SPTA1: variants seen among roughly 807,000 people sequenced by gnomAD.
The protein encoded by SPTA1 is spectrin alpha chain, erythrocytic 1.
Under a neutral mutation model 324.7 loss-of-function variants are expected in SPTA1, and 177 were observed. The observed-to-expected ratio is 0.55, with a 90% CI of 0.48 to 0.62. The LOEUF is 0.62. Among genes scored for constraint, SPTA1 ranks in the 20% least tolerant of loss-of-function variants. The pLI, the probability that SPTA1 is intolerant of heterozygous loss-of-function variation, is 0.00. For synonymous variants in SPTA1, 1,195 were observed against 1,041.3 expected (o/e 1.15, Z -2.84); for missense variants, 3,162 against 2,883.6 (o/e 1.10, Z -2.21).
At position 158,619,733 on chromosome 1, in the gene SPTA1, T is replaced by A. The variant is rs572226920; in HGVS notation, c.6418-399A>T. ...TATTGTGGTTAGTTTTCTATTACAC[T>A]TTTTATGTTTCATAGTTTCAATAAT... On this transcript the variant is annotated intron_variant, in intron 44 of 51. Coordinates refer to ENST00000643759, the MANE Select transcript of SPTA1 (RefSeq NM_003126.4). Among the ~76,000 whole-genome samples the A allele has an allele frequency of 3.9e-5, 6 of 152,344 alleles. No individual in the cohort carries two copies. The South Asian group carries it at 8.3e-4, about 21-fold the overall frequency.
intron 20 of SPTA1, 146 bp downstream of exon 20, chr1:158,656,418 A>G: frequency 1.3e-6 from 1 of 746,696 alleles, no homozygotes; most frequent in Admixed American, 2.0e-5. Context: ...TGGATGCTAC[A>G]GTTCCTGCAT....
intron 15 of SPTA1, among the ~76,000 whole-genome samples, chr1:158,667,393 A>T (rs1653684948): frequency 1.3e-5 from 2 of 152,236 alleles, no homozygotes; most frequent in African/African-American, 4.8e-5. Context: ...AAATAGGTTT[A>T]AAAAGATCAA....
Position 158,666,329 on chromosome 1 carries a change from A to T in SPTA1, c.2207T>A (p.Val736Glu). Residue 736 changes from valine (V) to glutamate (E), a missense_variant, in exon 16 of 52, where the codon GTG becomes GAG. Val to Glu is a moderately radical substitution (Grantham distance 121). Transcript: ENST00000643759. ...LRKHGLLESA[V>E]AARQDQVDIL... ...CTAACAACAAACCTGACGAGCAGCC[A>T]CAGCCGACTCCAGGAGGCCGTGTTT... The T allele has an allele frequency of 6.2e-7, 1 of 1,613,760 alleles. No individual in the cohort carries two copies.
In SPTA1 at chr1:158,666,506, A is replaced by G. The variant is rs181529699; in HGVS notation, c.2039-9T>C. On this transcript the variant is annotated splice_polypyrimidine_tract_variant and intron_variant, in intron 15 of 51. Transcript: ENST00000643759. ...CTCATGCAACTGGGTCCCTGGGAGA[A>G]GACATAAGGTAGAAGACATTAGGTA... is the stretch of plus-strand genomic sequence containing the variant. The G allele has an allele frequency of 2.5e-6, 4 of 1,605,864 alleles. No individual in the cohort carries two copies. In the East Asian group the frequency reaches 8.9e-5, roughly 36 times the overall value.
At chr1:158,631,308 C>T (rs560465064) in intron 39 of SPTA1, among the ~76,000 whole-genome samples, 11 of 152,216 alleles carry the variant, frequency 7.2e-5, no homozygotes, top group South Asian at 2.1e-4. Flanking sequence ...GCGTTTGCAG[C>T]GACCTGGATG....
intron 43 of SPTA1, chr1:158,622,728 G>T (rs2101767110): frequency 2.2e-6 from 1 of 450,562 alleles, no homozygotes; most frequent in Non-Finnish European, 4.1e-6. Flanking sequence ...CCATCCTCTT[G>T]TTCCATCCAC....
Position 158,649,961 on chromosome 1 carries a change from A to C in SPTA1, c.3478-14T>G, listed in dbSNP as rs943756840. 3 of 1,588,280 alleles carry C rather than the reference A, an allele frequency of 1.9e-6. No homozygotes were observed. Among genetic ancestry groups the C allele is most frequent in the Non-Finnish European group, 2.6e-6 (3 of 1,157,960 alleles). On this transcript the variant is annotated splice_polypyrimidine_tract_variant and intron_variant, in intron 24 of 51. Coordinates refer to ENST00000643759, the MANE Select transcript of SPTA1 (RefSeq NM_003126.4). Reference sequence around the variant, plus strand: ...GGAATTCAATTCCTAAAAGAGGCAAAAACATCAGACTTGAGACAGAGAACT... The same window carrying C: ...GGAATTCAATTCCTAAAAGAGGCAACAACATCAGACTTGAGACAGAGAACT...
Position 158,613,723 on chromosome 1 carries a change from C to T in SPTA1, c.6987G>A (p.Gly2329=), listed in dbSNP as rs1486529922. The T allele has an allele frequency of 3.1e-6, 5 of 1,613,628 alleles. No homozygotes were observed. Among genetic ancestry groups the T allele is most frequent in the African/African-American group, 2.7e-5 (2 of 74,892 alleles). ...CTGACCCTTAGTCTTGTTCCTACCTCCCTGGATCCACAGCATCCAGGAACT... is the reference window on the plus strand; with the variant it reads ...CTGACCCTTAGTCTTGTTCCTACCTTCCTGGATCCACAGCATCCAGGAACT... ...FEKFLDAVDP[G]RKGYVSLEDY... The change falls in exon 50 of 52, where the codon GGG becomes GGA. Residue 2329 remains glycine, a splice_region_variant and synonymous_variant. Transcript: ENST00000643759.
intron 31 of SPTA1, 37 bp downstream of exon 31, chr1:158,643,285 C>T (rs751615385): frequency 5.6e-6 from 9 of 1,610,358 alleles, no homozygotes; most frequent in Non-Finnish European, 6.8e-6. Context: ...TTTGCTATAT[C>T]TTCCTTTGGC....
intron 51 of SPTA1, chr1:158,611,745 T>C: frequency 3.9e-6 from 1 of 255,016 alleles, no homozygotes; most frequent in Non-Finnish European, 7.7e-6. Context: ...TAGCATGTTT[T>C]ATGAGTAAGG....
chr1:158,664,754 T>C (rs1217813308), intron 16 of SPTA1, among the ~76,000 whole-genome samples: 2 of 152,218 alleles, frequency 1.3e-5, no homozygotes, highest in African/African-American at 4.8e-5. Flanking sequence ...AGGACATTTT[T>C]GTAAATCAGA....
chr1:158,656,739 T>A lies in SPTA1; in HGVS notation c.2806-83A>T, dbSNP rs1652855923. On this transcript the variant is annotated intron_variant, in intron 19 of 51. Transcript: ENST00000643759. Reference sequence around the variant, plus strand: ...ACTACTATTATTTTGGGTTATGCTATTTGTCTTAAATCCTGGTAAAAGCTG... The same window carrying A: ...ACTACTATTATTTTGGGTTATGCTAATTGTCTTAAATCCTGGTAAAAGCTG... 2.3e-6 allele frequency: 3 copies of A among 1,327,082 alleles called. No individual in the cohort carries two copies. In the East Asian group the frequency reaches 6.9e-5, roughly 31 times the overall value. 82.2% of individuals were successfully genotyped at this position (1,327,082 alleles called of 1,614,324 possible).
At chr1:158,617,087 G>A (rs778010892) in intron 47 of SPTA1, among the ~76,000 whole-genome samples, 2 of 151,622 alleles carry the variant, frequency 1.3e-5, no homozygotes, top group African/African-American at 2.4e-5. Flanking sequence ...CCATTACTTC[G>A]CTCAGTTGTC....
chr1:158,667,846 T>G lies in SPTA1; in HGVS notation c.2038+12A>C, dbSNP rs774102339. ...TAGAAAATGACCTTTCACCAAAACC[T>G]CTGCTTTTTACCTTTCTGTTTTGTA... On this transcript the variant is annotated intron_variant, in intron 15 of 51. Coordinates refer to ENST00000643759, the MANE Select transcript of SPTA1 (RefSeq NM_003126.4). The G allele has an allele frequency of 6.2e-7, 1 of 1,613,474 alleles. No individual in the cohort carries two copies. Among genetic ancestry groups the G allele is most frequent in the South Asian group, 1.1e-5 (1 of 91,058 alleles).
rs763182296 is a variant in SPTA1, at chr1:158,653,413, C to G, written c.3049G>C (p.Val1017Leu). 15 of 1,614,044 alleles carry G rather than the reference C, an allele frequency of 9.3e-6. No individual in the cohort carries two copies. In the Admixed American group the frequency reaches 2.3e-4, roughly 25 times the overall value. Residue 1017 changes from valine (V) to leucine (L), a missense_variant, in exon 22 of 52, where the codon GTG becomes CTG. By Grantham distance (32) the Val-to-Leu change is conservative. Coordinates refer to ENST00000643759, the MANE Select transcript of SPTA1 (RefSeq NM_003126.4). ...LSSINKDWWK[V>L]EAADHQGIVP... ...ATGCCCTGATGATCAGCAGCTTCCA[C>G]CTTCCACCAGTCCTGAAGGGAGAGC...
At chr1:158,626,527 A>AT (rs1650284184) in intron 41 of SPTA1, among the ~76,000 whole-genome samples, 1 of 152,192 alleles carries the variant, frequency 6.6e-6, no homozygotes, top group African/African-American at 2.4e-5. Flanking sequence ...TTCTTAGAAC[A>AT]TTTTGCTATG....
At chr1:158,656,187 A>G (rs1209804909) in intron 20 of SPTA1, among the ~76,000 whole-genome samples, 1 of 152,168 alleles carries the variant, frequency 6.6e-6, no homozygotes, top group Admixed American at 6.5e-5. Context: ...ATACTTACAT[A>G]TAGTAGACAT....
rs761424021 is a variant in SPTA1 at position 158,612,974 on chromosome 1, T to C, written c.6990-13A>G. On this transcript the variant is annotated splice_polypyrimidine_tract_variant and intron_variant, in intron 50 of 51. Coordinates refer to ENST00000643759, the MANE Select transcript of SPTA1 (RefSeq NM_003126.4). The stretch of plus-strand genomic sequence containing the variant: ...GACATAGCCCTTCCTGTGGGAGAAA[T>C]GGATCAGGAGCTGAGCCTTCTCAAG... 3 of 1,613,454 alleles carry C rather than the reference T, an allele frequency of 1.9e-6. No individual in the cohort carries two copies. The highest frequency in any genetic ancestry group is 2.5e-6 in the Non-Finnish European group (3 of 1,179,712).
intron 42 of SPTA1, among the ~76,000 whole-genome samples, chr1:158,625,334 A>C (rs999227703): frequency 6.6e-6 from 1 of 152,188 alleles, no homozygotes; most frequent in South Asian, 2.1e-4. Flanking sequence ...TGATTTCACA[A>C]TTCGAAATGT....
Sources: allele counts gnomAD v4.1 joint callset (sites outside exome capture counted in the v4.1 genomes callset), GRCh38; gene constraint gnomAD v4.1.1; transcripts MANE v1.5; gene names NCBI Gene and HGNC (gene_info 2026-07-23, HGNC 2026-07-21).